Variants in CASR observed in about 807,000 individuals in gnomAD.
CASR encodes extracellular calcium-sensing receptor.
A neutral mutation model predicts 69.1 loss-of-function variants in CASR; 23 were observed. The observed-to-expected ratio is 0.33, with a 90% CI of 0.24 to 0.47. The LOEUF is 0.47. CASR is among the 20% of genes least tolerant of loss of function. CASR has a pLI of 1.00. For missense variants in CASR, 924 were observed against 1,356.1 expected, an observed-to-expected ratio of 0.68 and a Z score of 5.00; for synonymous variants, 541 against 544.7, an observed-to-expected ratio of 0.99 and a Z score of 0.10.
At chr3:122,281,172 G>T (rs926398617) in intron 5 of CASR, among the ~76,000 whole-genome samples, 5 of 152,152 alleles carry the variant, frequency 3.3e-5, no homozygotes, top group Admixed American at 6.5e-5. Context: ...GAAGGGTTTT[G>T]TTTATTTGTT....
chr3:122,257,393 C>G lies in CASR; in HGVS notation c.492+6C>G. 6.2e-7 allele frequency: 1 copy of G among 1,611,350 alleles called. No individual in the cohort carries two copies. The highest frequency in any genetic ancestry group is 1.1e-5 in the South Asian group (1 of 91,014). On this transcript the variant is annotated splice_donor_region_variant and intron_variant, in intron 3 of 6. Coordinates refer to ENST00000639785, the MANE Select transcript of CASR (RefSeq NM_000388.4). Reference sequence around the variant, plus strand: ...GGCTCTTCTACATTCCCCAGGTACTCAAGCCTTCTCAGGCGGGGCACTGGG... The same window carrying G: ...GGCTCTTCTACATTCCCCAGGTACTGAAGCCTTCTCAGGCGGGGCACTGGG...
chr3:122,190,696 C>G (rs1383950602), intron 1 of CASR, among the ~76,000 whole-genome samples: 13 of 152,118 alleles, frequency 8.5e-5, no homozygotes, highest in Admixed American at 2.6e-4. Flanking sequence ...CTGAATGAAT[C>G]AATGAATGAA....
At chr3:122,259,413 C>T (rs1165562163) in intron 3 of CASR, among the ~76,000 whole-genome samples, 8 of 152,156 alleles carry the variant, frequency 5.3e-5, no homozygotes, top group Admixed American at 4.6e-4. Flanking sequence ...TTAATTTAAC[C>T]ACCTGCCTCA....
chr3:122,265,741 T>A (rs2074685615), intron 4 of CASR, among the ~76,000 whole-genome samples: 1 of 152,172 alleles, frequency 6.6e-6, no homozygotes, highest in African/African-American at 2.4e-5. Flanking sequence ...AAGTATGAAA[T>A]CACCTTCTTT....
At chr3:122,239,293 C>T (rs946959782) in intron 1 of CASR, among the ~76,000 whole-genome samples, 1 of 152,180 alleles carries the variant, frequency 6.6e-6, no homozygotes, top group Admixed American at 6.5e-5. Flanking sequence ...TCCCCCTGAG[C>T]TAGTGGTGGT....
chr3:122,285,283 G>A lies in CASR; in HGVS notation c.*92G>A. On this transcript the variant is annotated 3_prime_UTR_variant, in exon 7 of 7. Transcript: ENST00000639785. ...TCGCCCCAGACTCCTTTCCTCTGAG[G>A]AAGAAGGGATAATAGACACATCAAA... The A allele has an allele frequency of 1.7e-6, 2 of 1,183,528 alleles. No homozygotes were observed. Among genetic ancestry groups the A allele is most frequent in the Non-Finnish European group, 2.5e-6 (2 of 795,904 alleles). The allele number at this position is 1,183,528 out of a possible 1,614,324, so 73.3% of individuals were successfully genotyped here.
intron 1 of CASR, among the ~76,000 whole-genome samples, chr3:122,194,524 C>A (rs2073870065): frequency 6.6e-6 from 1 of 152,118 alleles, no homozygotes; most frequent in South Asian, 2.1e-4. Context: ...AAAAAATAGG[C>A]CAGGTTTCAC....
rs952915458 is a variant in CASR, at chr3:122,290,354, A to G, written c.*5163A>G. 17 of 152,184 alleles carry G rather than the reference A, an allele frequency of 1.1e-4. No individual in the cohort carries two copies. The highest frequency in any genetic ancestry group is 1.0e-3 in the Admixed American group (16 of 15,278). The allele number at this position is 152,184 out of a possible 1,614,324, so 9.4% of individuals were successfully genotyped here. A position where few individuals can be genotyped will look rare whatever the true frequency, so the allele number is the denominator to read the frequency against. On this transcript the variant is annotated 3_prime_UTR_variant, in exon 7 of 7. Transcript: ENST00000639785. ...GGATTTCCTGTAAAGGCATCAGGAA[A>G]TGTTTTTGGAAGAATGTGATTGTCT...
intron 4 of CASR, among the ~76,000 whole-genome samples, chr3:122,263,879 A>C (rs1294750276): frequency 3.9e-5 from 6 of 152,192 alleles, no homozygotes; most frequent in Middle Eastern, 3.2e-3. Context: ...TTTAAGTAGG[A>C]GGAGTAAGGG....
intron 2 of CASR, among the ~76,000 whole-genome samples, chr3:122,255,079 G>A (rs1429717669): frequency 6.6e-6 from 1 of 151,730 alleles, no homozygotes; most frequent in Non-Finnish European, 1.5e-5. Context: ...CACATAGTCT[G>A]TTTTATCATC....
chr3:122,282,176 G>A lies in CASR; in HGVS notation c.1672G>A (p.Glu558Lys). 1 of 1,614,194 alleles carries A rather than the reference G, an allele frequency of 6.2e-7. No homozygotes were observed. The stretch of plus-strand genomic sequence containing the variant: ...GACCAGGAAAGGGATCATTGAGGGG[G>A]AGCCCACCTGCTGCTTTGAGTGTGT... ...AGTRKGIIEGEPTCCFECVEC... is the reference protein window; with the variant it reads ...AGTRKGIIEGKPTCCFECVEC... Residue 558 changes from glutamate to lysine, a missense_variant, in exon 6 of 7, where the codon GAG becomes AAG. By Grantham distance (56) the Glu-to-Lys change is moderately conservative. This residue lies in a region of CASR where 310 missense variants were observed against 395.7 expected (regional missense o/e 0.78). Transcript: ENST00000639785.
intron 2 of CASR, among the ~76,000 whole-genome samples, chr3:122,255,975 C>T (rs1224537432): frequency 1.3e-5 from 2 of 152,238 alleles, no homozygotes; most frequent in African/African-American, 4.8e-5. Context: ...TGAGCCCTGA[C>T]TCTGAGCAAA....
intron 1 of CASR, among the ~76,000 whole-genome samples, chr3:122,223,379 C>T (rs1020668669): frequency 1.4e-4 from 21 of 152,058 alleles, no homozygotes; most frequent in African/African-American, 4.1e-4. Context: ...TACAACCAAC[C>T]GCACAGACAT....
At chr3:122,197,266 T>C (rs553776775) in intron 1 of CASR, among the ~76,000 whole-genome samples, 1 of 152,306 alleles carries the variant, frequency 6.6e-6, no homozygotes, top group African/African-American at 2.4e-5. Context: ...CTGTGTGTCC[T>C]TGTGTGGCTC....
At position 122,259,794 on chromosome 3, in the gene CASR, T is replaced by C. The variant is rs191813704; in HGVS notation, c.493-1734T>C. On this transcript the variant is annotated intron_variant, in intron 3 of 6. Transcript: ENST00000639785. ...ACAGGCGCCCGCCACCACGCCCGGC[T>C]AATTTTTTGTATTTTTAGTCGAGAC... Among the ~76,000 whole-genome samples, 8 of 152,246 alleles carry C rather than the reference T, an allele frequency of 5.3e-5. No individual in the cohort carries two copies. In the East Asian group the frequency reaches 1.5e-3, roughly 29 times the overall value.
intron 1 of CASR, among the ~76,000 whole-genome samples, chr3:122,243,997 A>AG (rs1373526351): frequency 6.6e-6 from 1 of 152,142 alleles, no homozygotes; most frequent in Admixed American, 6.5e-5. Flanking sequence ...ATGAACATTG[A>AG]GAGTAGAAAG....
At chr3:122,258,797 A>T (rs2074585689) in intron 3 of CASR, among the ~76,000 whole-genome samples, 1 of 152,154 alleles carries the variant, frequency 6.6e-6, no homozygotes, top group African/African-American at 2.4e-5. Flanking sequence ...TCACTTAGAG[A>T]GCTTTAAAAA....
At chr3:122,215,294 A>C (rs1408164079) in intron 1 of CASR, among the ~76,000 whole-genome samples, 1 of 152,220 alleles carries the variant, frequency 6.6e-6, no homozygotes, top group Non-Finnish European at 1.5e-5. Flanking sequence ...AAGCCCCTTG[A>C]AAAGCTTTCT....
intron 1 of CASR, among the ~76,000 whole-genome samples, chr3:122,206,130 G>A (rs2074004478): frequency 6.6e-6 from 1 of 151,968 alleles, no homozygotes; most frequent in Non-Finnish European, 1.5e-5. Flanking sequence ...GGTATAAATA[G>A]TCATCCTTGT....
Sources: gnomAD v4.1 joint callset for allele counts (sites outside exome capture counted in the v4.1 genomes callset) on GRCh38, gnomAD v4.1.1 for gene constraint, gnomAD v4.1.1 regional missense constraint, MANE v1.5 for transcripts, NCBI Gene and HGNC (gene_info 2026-07-23, HGNC 2026-07-21) for gene names.